Variants in RABGAP1 observed in about 807,000 individuals in gnomAD.
RABGAP1 encodes the protein rab GTPase-activating protein 1.
RABGAP1 carries 23 observed loss-of-function variants against 137.6 expected under a neutral mutation model. The observed-to-expected ratio is 0.17, with a 90% confidence interval of 0.12 to 0.24. The LOEUF is 0.24. Among genes scored for constraint, RABGAP1 ranks in the 10% least tolerant of loss-of-function variants. RABGAP1 has a pLI of 1.00. For synonymous variants in RABGAP1, 451 were observed against 450.7 expected (o/e 1.00, Z -0.01); for missense variants, 906 against 1,275.8 (o/e 0.71, Z 4.42).
intron 13 of RABGAP1, among the ~76,000 whole-genome samples, chr9:123,040,510 G>A (rs1022220733): frequency 6.6e-6 from 1 of 152,042 alleles, no homozygotes; most frequent in African/African-American, 2.4e-5. Context: ...ACATATTACG[G>A]TATTTCTTTA....
At chr9:123,024,530 C>T (rs756581451) in intron 13 of RABGAP1, among the ~76,000 whole-genome samples, 42 of 152,004 alleles carry the variant, frequency 2.8e-4, no homozygotes, top group Admixed American at 5.2e-4. Context: ...ACCTCCGCCT[C>T]CCGGGTTCAA....
intron 2 of RABGAP1, among the ~76,000 whole-genome samples, chr9:122,964,257 A>G (rs908832982): frequency 1.3e-5 from 2 of 152,212 alleles, no homozygotes; most frequent in African/African-American, 4.8e-5. Flanking sequence ...AGACAAAGAC[A>G]TCAAAGGGAA....
intron 12 of RABGAP1, among the ~76,000 whole-genome samples, chr9:123,019,218 C>T (rs896110982): frequency 3.9e-5 from 6 of 152,132 alleles, no homozygotes; most frequent in Admixed American, 2.6e-4. Flanking sequence ...TGTTATTAGC[C>T]ACCATAAACA....
intron 13 of RABGAP1, among the ~76,000 whole-genome samples, chr9:123,026,312 A>G (rs766628928): frequency 6.6e-5 from 10 of 152,208 alleles, no homozygotes; most frequent in Non-Finnish European, 1.5e-4. Flanking sequence ...TGACAGAGTG[A>G]GACTTAAAAT....
chr9:123,035,183 T>C lies in RABGAP1; in HGVS notation c.1794+14724T>C, dbSNP rs139753767. On this transcript the variant is annotated intron_variant, in intron 13 of 25. Transcript: ENST00000373647. ...ATGTTATATGCCCCAGCAGCCCTTA[T>C]TGTCTGCTTCACCTATTTCAACATC... 192 of 1,613,978 alleles carry C rather than the reference T, an allele frequency of 1.2e-4. No homozygotes were observed. In the African/African-American group the frequency reaches 2.3e-3, roughly 19 times the overall value.
At chr9:122,972,390 A>G (rs568149398) in intron 2 of RABGAP1, among the ~76,000 whole-genome samples, 1 of 152,336 alleles carries the variant, frequency 6.6e-6, no homozygotes, top group South Asian at 2.1e-4. Context: ...GCGCTCATAC[A>G]GCTTCATCTG....
intron 10 of RABGAP1, among the ~76,000 whole-genome samples, chr9:123,001,126 G>A (rs1837305115): frequency 6.6e-6 from 1 of 152,160 alleles, no homozygotes. Context: ...GGGATTACAG[G>A]TGGGAGCCAC....
intron 10 of RABGAP1, among the ~76,000 whole-genome samples, chr9:123,001,475 A>G (rs954160840): frequency 4.6e-5 from 7 of 152,170 alleles, no homozygotes; most frequent in African/African-American, 1.4e-4. Context: ...AGTTAGCCCT[A>G]TTGGGTATAT....
At chr9:123,059,577 C>CA (rs1176663036) in intron 13 of RABGAP1, among the ~76,000 whole-genome samples, 2 of 151,878 alleles carry the variant, frequency 1.3e-5, no homozygotes, top group African/African-American at 2.4e-5. Flanking sequence ...AATTAAAAAA[C>CA]AAAAACAAAA....
intron 1 of RABGAP1, among the ~76,000 whole-genome samples, chr9:122,950,584 G>A (rs1282275019): frequency 1.3e-5 from 2 of 152,100 alleles, no homozygotes; most frequent in Middle Eastern, 3.4e-3. Flanking sequence ...GTTATAACAA[G>A]CACTATATTA....
chr9:122,950,045 A>G (rs1834147143), intron 1 of RABGAP1, among the ~76,000 whole-genome samples: 2 of 152,246 alleles, frequency 1.3e-5, no homozygotes, highest in South Asian at 4.1e-4. Flanking sequence ...ACTAAATAAT[A>G]CAAGGATTTT....
rs1013407532 is a variant in RABGAP1 at position 122,981,614 on chromosome 9, A to G, written c.151-2871A>G. Among the ~76,000 whole-genome samples, 7 of 152,322 alleles carry G rather than the reference A, an allele frequency of 4.6e-5. No homozygotes were observed. The East Asian group carries it at 1.3e-3, about 29-fold the overall frequency. ...TAATTGGAAACTCAGGTAGGGCCCA[A>G]CAGTCTGTCTTAGCAAGCTCTCCTG... On this transcript the variant is annotated intron_variant, in intron 2 of 25. Transcript: ENST00000373647.
At chr9:122,945,958 G>A (rs866893901) in intron 1 of RABGAP1, 15 of 152,246 alleles carry the variant, frequency 9.9e-5, no homozygotes, top group Middle Eastern at 3.4e-3. Context: ...GAAATGATAT[G>A]CAGAATCCTT....
chr9:122,963,849 T>C (rs1834984028), intron 2 of RABGAP1, among the ~76,000 whole-genome samples: 1 of 151,878 alleles, frequency 6.6e-6, no homozygotes. Flanking sequence ...CCAACAAAAT[T>C]GACAAAACTT....
At chr9:122,985,809 T>G (rs1024105260) in intron 3 of RABGAP1, among the ~76,000 whole-genome samples, 4 of 152,158 alleles carry the variant, frequency 2.6e-5, no homozygotes, top group African/African-American at 9.7e-5. Flanking sequence ...CTGAAATGCT[T>G]GGGACCAGAA....
At chr9:122,934,854 G>T in the RABGAP1 span, among the ~76,000 whole-genome samples, 1 of 151,928 alleles carries the variant, frequency 6.6e-6, no homozygotes, top group African/African-American at 2.4e-5. Context: ...ATCCGCCTGC[G>T]TTGACCTTCC....
chr9:123,034,757 C>A, intron 13 of RABGAP1: 2 of 1,613,810 alleles, frequency 1.2e-6, no homozygotes, highest in Non-Finnish European at 1.7e-6. Flanking sequence ...CATCACACTA[C>A]AAGTTATTTT....
At chr9:123,051,406 G>C (rs7020047) in intron 13 of RABGAP1, among the ~76,000 whole-genome samples, 56,905 of 150,554 alleles carry the variant, frequency 0.38, 17,830 homozygotes, top group African/African-American at 0.83. Context: ...TGCCACCACG[G>C]CTGGCTAATT....
intron 2 of RABGAP1, among the ~76,000 whole-genome samples, chr9:122,980,136 A>G (rs1835969257): frequency 6.6e-6 from 1 of 152,218 alleles, no homozygotes; most frequent in Non-Finnish European, 1.5e-5. Flanking sequence ...CTTTCATGCT[A>G]CAAAGTCAGA....
Sources: gnomAD v4.1 joint callset for allele counts (sites outside exome capture counted in the v4.1 genomes callset) on GRCh38, gnomAD v4.1.1 for gene constraint, MANE v1.5 for transcripts, NCBI Gene and HGNC (gene_info 2026-07-23, HGNC 2026-07-21) for gene names.